Variants in CRIM1 observed in about 807,000 individuals in gnomAD.
CRIM1 encodes cysteine rich transmembrane BMP regulator 1, also known as cysteine-rich motor neuron 1 protein.
Under a neutral mutation model 116.4 loss-of-function variants are expected in CRIM1, and 32 were observed. The ratio of observed to expected loss-of-function variants is 0.27; its 90% CI spans 0.21 to 0.37. CRIM1 has a LOEUF of 0.37. Among genes scored for constraint, CRIM1 ranks in the 10% least tolerant of loss-of-function variants. The pLI, the probability that CRIM1 is intolerant of heterozygous loss-of-function variation, is 1.00. For synonymous variants in CRIM1, 590 were observed against 509.2 expected, an observed-to-expected ratio of 1.16 and a Z score of -2.13; for missense variants, 1,331 against 1,354.8, an observed-to-expected ratio of 0.98 and a Z score of 0.28.
At chr2:36,437,347 C>T (rs929183828) in intron 2 of CRIM1, among the ~76,000 whole-genome samples, 1 of 151,770 alleles carries the variant, frequency 6.6e-6, no homozygotes, top group Admixed American at 6.6e-5. Flanking sequence ...TGTACTCCAG[C>T]CTGGGTGACA....
intron 7 of CRIM1, among the ~76,000 whole-genome samples, chr2:36,493,651 CA>C: frequency 6.6e-6 from 1 of 152,102 alleles, no homozygotes; most frequent in Admixed American, 6.5e-5. Flanking sequence ...ACACATTTCT[CA>C]AAGGAGATAA....
At chr2:36,447,397 C>G (rs1572751955) in intron 4 of CRIM1, among the ~76,000 whole-genome samples, 1 of 152,310 alleles carries the variant, frequency 6.6e-6, no homozygotes, top group East Asian at 1.9e-4. Flanking sequence ...CAGTTATTCA[C>G]TGCTGTGTAA....
chr2:36,526,715 G>A (rs1161310016), intron 13 of CRIM1, among the ~76,000 whole-genome samples: 5 of 152,162 alleles, frequency 3.3e-5, no homozygotes, highest in African/African-American at 1.2e-4. Flanking sequence ...AGGGGGGACC[G>A]TGAGTCTTTC....
chr2:36,448,802 A>G (rs193258759), intron 4 of CRIM1, among the ~76,000 whole-genome samples: 79 of 152,340 alleles, frequency 5.2e-4, no homozygotes, highest in Middle Eastern at 3.4e-3. Context: ...GAAATAAATT[A>G]AGTCATTGTT....
At chr2:36,392,152 G>C (rs17018686) in intron 1 of CRIM1, among the ~76,000 whole-genome samples, 2,983 of 152,146 alleles carry the variant, frequency 0.02, 134 homozygotes, top group East Asian at 0.19. Flanking sequence ...TGGAAGTGTT[G>C]GTTTAGCAGT....
chr2:36,463,553 A>T (rs3770863), intron 4 of CRIM1, among the ~76,000 whole-genome samples: 38,223 of 151,870 alleles, frequency 0.25, 5,682 homozygotes, highest in Non-Finnish European at 0.34. Context: ...TGACCCATAC[A>T]TCTCTCCCCA....
intron 7 of CRIM1, among the ~76,000 whole-genome samples, chr2:36,492,003 T>TAA (rs199640324): frequency 1.3e-5 from 2 of 151,762 alleles, no homozygotes; most frequent in African/African-American, 4.8e-5. Flanking sequence ...CCCCACTCTA[T>TAA]AAAAAAAAAT....
At chr2:36,387,900 T>C (rs1218190513) in intron 1 of CRIM1, among the ~76,000 whole-genome samples, 1 of 152,184 alleles carries the variant, frequency 6.6e-6, no homozygotes, top group East Asian at 1.9e-4. Context: ...CCATCCTCCT[T>C]GATTCTTTGG....
Position 36,550,066 on chromosome 2 carries a change from T to TGTGTGTGTGCGCGC in CRIM1, c.*1366_*1367insTGTGTGTGCGCGCG, listed in dbSNP as rs374839318. ...ATGTGTGTGTGTGTGTGTGTGTGTG[T>TGTGTGTGTGCGCGC]GCGCGCGCACGCACGCCTTGAGCAG... is the stretch of plus-strand genomic sequence containing the variant. On this transcript the variant is annotated 3_prime_UTR_variant, in exon 17 of 17. Coordinates refer to ENST00000280527, the MANE Select transcript of CRIM1 (RefSeq NM_016441.3). 1 of 149,770 alleles carries TGTGTGTGTGCGCGC rather than the reference T, an allele frequency of 6.7e-6. No individual in the cohort carries two copies. The highest frequency in any genetic ancestry group is 2.1e-4 in the South Asian group (1 of 4,732). The allele number at this position is 149,770 out of a possible 1,614,324, so 9.3% of individuals were successfully genotyped here.
chr2:36,507,838 G>C (rs1478880017), intron 8 of CRIM1, among the ~76,000 whole-genome samples: 1 of 152,170 alleles, frequency 6.6e-6, no homozygotes, highest in African/African-American at 2.4e-5. Context: ...TTTATTGCAG[G>C]ACCAGAAAAA....
intron 5 of CRIM1, among the ~76,000 whole-genome samples, chr2:36,468,677 G>A (rs938518844): frequency 6.6e-6 from 1 of 152,176 alleles, no homozygotes; most frequent in Non-Finnish European, 1.5e-5. Context: ...ACAAACAAAT[G>A]TCCCATCAGC....
At chr2:36,434,434 A>G (rs911578085) in intron 2 of CRIM1, among the ~76,000 whole-genome samples, 3 of 152,228 alleles carry the variant, frequency 2.0e-5, no homozygotes, top group Non-Finnish European at 4.4e-5. Context: ...TGCTTTTGGC[A>G]TTATGGACGA....
rs142839402 is a variant in CRIM1, at chr2:36,506,133, GCACACACA to G, written c.1502-3832_1502-3825del. Among the ~76,000 whole-genome samples, 341 of 136,512 alleles carry G rather than the reference GCACACACA, an allele frequency of 2.5e-3. 2 individuals carry two copies. The highest frequency in any genetic ancestry group is 2.7e-3 in the Non-Finnish European group (176 of 64,650). 89.6% of individuals were successfully genotyped at this position (136,512 alleles called of 152,430 possible). A position where few individuals can be genotyped will look rare whatever the true frequency, so the allele number is the denominator to read the frequency against. On this transcript the variant is annotated intron_variant, in intron 8 of 16. Transcript: ENST00000280527. ...ACAGGACACCATCCCATTGCAGGGT[GCACACACA>G]CACACACACACACACACTCTCTCTC...
At chr2:36,399,125 G>T (rs1393738969) in intron 2 of CRIM1, among the ~76,000 whole-genome samples, 1 of 152,186 alleles carries the variant, frequency 6.6e-6, no homozygotes, top group African/African-American at 2.4e-5. Context: ...TATGTTGGTG[G>T]ACAATAGGAA....
chr2:36,548,998 A>T lies in CRIM1; in HGVS notation c.*297A>T. The T allele has an allele frequency of 9.4e-5, 16 of 170,394 alleles. No individual in the cohort carries two copies. The highest frequency in any genetic ancestry group is 1.6e-4 in the Non-Finnish European group (13 of 79,888). The allele number at this position is 170,394 out of a possible 1,614,324, so 10.6% of individuals were successfully genotyped here. ...TTTGGGGTGGGGACAGTGAGTTTGG[A>T]TGGGGAAATGGGTGGGAGGGTGGTG... On this transcript the variant is annotated 3_prime_UTR_variant, in exon 17 of 17. Coordinates refer to ENST00000280527, the MANE Select transcript of CRIM1 (RefSeq NM_016441.3).
chr2:36,399,036 A>G (rs1672236938), intron 2 of CRIM1, among the ~76,000 whole-genome samples: 1 of 152,212 alleles, frequency 6.6e-6, no homozygotes, highest in Non-Finnish European at 1.5e-5. Flanking sequence ...ACATGGACGA[A>G]AGAAGAAAAT....
chr2:36,466,328 A>G lies in CRIM1; in HGVS notation c.991+1673A>G, dbSNP rs541694783. ...AGCATACAGGAAAGGGGAACAGAAA[A>G]AGTTCTGTGCACTTAAATCACCTCT... On this transcript the variant is annotated intron_variant, in intron 5 of 16. Transcript: ENST00000280527. Among the ~76,000 whole-genome samples, 12 of 152,162 alleles carry G rather than the reference A, an allele frequency of 7.9e-5. No individual in the cohort carries two copies. In the South Asian group the frequency reaches 2.5e-3, roughly 32 times the overall value.
At chr2:36,421,927 C>A (rs915255060) in intron 2 of CRIM1, among the ~76,000 whole-genome samples, 5 of 151,898 alleles carry the variant, frequency 3.3e-5, no homozygotes, top group African/African-American at 1.2e-4. Context: ...TGGGAAACAG[C>A]CAAAAGGCAT....
intron 6 of CRIM1, among the ~76,000 whole-genome samples, chr2:36,477,965 G>A (rs1679115176): frequency 6.6e-6 from 1 of 152,128 alleles, no homozygotes; most frequent in South Asian, 2.1e-4. Context: ...AAGGTCTTGT[G>A]AGCCTTCCTG....
Sources: gnomAD v4.1 joint callset for allele counts (sites outside exome capture counted in the v4.1 genomes callset) on GRCh38, gnomAD v4.1.1 for gene constraint, MANE v1.5 for transcripts, NCBI Gene and HGNC (gene_info 2026-07-23, HGNC 2026-07-21) for gene names.